Variants in ADK observed in about 807,000 individuals in gnomAD.
ADK encodes the protein adenosine kinase, also known as N6,N6-dimethyladenosine kinase.
A neutral mutation model predicts 44.7 loss-of-function variants in ADK; 24 were observed. The observed-to-expected ratio is 0.54, with a 90% CI of 0.39 to 0.76. The LOEUF is 0.76. Among genes scored for constraint, ADK ranks in the 30% least tolerant of loss-of-function variants. The pLI is 0.00. For missense variants in ADK, 321 were observed against 425.1 expected (o/e 0.76, Z 2.15); for synonymous variants, 128 against 142.6 (o/e 0.90, Z 0.73).
intron 8 of ADK, among the ~76,000 whole-genome samples, chr10:74,591,044 A>G (rs561171535): frequency 6.6e-6 from 1 of 152,270 alleles, no homozygotes; most frequent in Non-Finnish European, 1.5e-5. Context: ...TTGTTATATA[A>G]CATGATCATG....
chr10:74,637,262 A>G (rs1330263041), intron 9 of ADK, among the ~76,000 whole-genome samples: 1 of 152,232 alleles, frequency 6.6e-6, no homozygotes, highest in Non-Finnish European at 1.5e-5. Context: ...AAGCCAGTCA[A>G]CAACCAAGAA....
intron 4 of ADK, among the ~76,000 whole-genome samples, chr10:74,346,935 C>G (rs896542345): frequency 2.1e-4 from 32 of 151,612 alleles, no homozygotes; most frequent in African/African-American, 7.0e-4. Context: ...ACGGTGAAAC[C>G]CTGTCTCTAC....
intron 7 of ADK, among the ~76,000 whole-genome samples, chr10:74,547,012 G>T (rs1430615812): frequency 1.4e-4 from 22 of 151,928 alleles, no homozygotes; most frequent in Non-Finnish European, 3.2e-4. Context: ...TCCTTGTAGG[G>T]TTTTTCCCAC....
intron 7 of ADK, among the ~76,000 whole-genome samples, chr10:74,579,862 A>T (rs1208945188): frequency 1.3e-5 from 2 of 152,226 alleles, no homozygotes; most frequent in African/African-American, 4.8e-5. Flanking sequence ...TCCTGAACTC[A>T]GATAAGATTA....
chr10:74,519,735 A>G (rs1241739062), intron 6 of ADK, among the ~76,000 whole-genome samples: 1 of 151,886 alleles, frequency 6.6e-6, no homozygotes, highest in African/African-American at 2.4e-5. Context: ...CTTTCAATGG[A>G]ATACTTTTTA....
At chr10:74,505,379 T>A (rs1349946648) in intron 6 of ADK, among the ~76,000 whole-genome samples, 1 of 152,176 alleles carries the variant, frequency 6.6e-6, no homozygotes, top group African/African-American at 2.4e-5. Context: ...ATTCTACATC[T>A]TCTTTCTCAT....
intron 3 of ADK, among the ~76,000 whole-genome samples, chr10:74,259,661 G>A (rs1350957598): frequency 6.6e-6 from 1 of 151,724 alleles, no homozygotes; most frequent in Non-Finnish European, 1.5e-5. Flanking sequence ...GTTTCACCAT[G>A]TTAGCCAGGA....
At chr10:74,704,975 C>A (rs1365784371) in intron 10 of ADK, among the ~76,000 whole-genome samples, 1 of 152,188 alleles carries the variant, frequency 6.6e-6, no homozygotes, top group Admixed American at 6.5e-5. Context: ...ATTTTACAGT[C>A]TCAGCAAATG....
chr10:74,504,936 C>A (rs1848006013), intron 6 of ADK, among the ~76,000 whole-genome samples: 1 of 152,042 alleles, frequency 6.6e-6, no homozygotes, highest in African/African-American at 2.4e-5. Flanking sequence ...TTGGGCAGTT[C>A]TTTATAGGAG....
chr10:74,679,460 G>C (rs1179210824), intron 10 of ADK, among the ~76,000 whole-genome samples: 1 of 152,102 alleles, frequency 6.6e-6, no homozygotes, highest in Non-Finnish European at 1.5e-5. Flanking sequence ...AAGTTTGCCA[G>C]CTCTGTGTTT....
At chr10:74,488,604 A>G (rs1310767209) in intron 6 of ADK, among the ~76,000 whole-genome samples, 2 of 150,450 alleles carry the variant, frequency 1.3e-5, no homozygotes, top group Non-Finnish European at 3.0e-5. Context: ...TTTCCTTCAG[A>G]AAATCATATT....
chr10:74,406,526 TAAGAAGAAGAAGAAGAAG>T (rs57627124), intron 6 of ADK, among the ~76,000 whole-genome samples: 153 of 136,112 alleles, frequency 1.1e-3, no homozygotes, highest in African/African-American at 2.2e-3. Context: ...ATAATAATAA[TAAGAAGAAGAAGAAGAAG>T]AAGAAGAAGA....
chr10:74,304,142 C>T (rs1840171434), intron 3 of ADK, among the ~76,000 whole-genome samples: 1 of 151,984 alleles, frequency 6.6e-6, no homozygotes, highest in Non-Finnish European at 1.5e-5. Flanking sequence ...TTATTTTCTT[C>T]ATTACTTAGT....
intron 1 of ADK, among the ~76,000 whole-genome samples, chr10:74,153,288 A>G (rs1841663383): frequency 6.6e-6 from 1 of 152,116 alleles, no homozygotes; most frequent in Admixed American, 6.6e-5. Flanking sequence ...GTCTAGAAAG[A>G]TATTTTTGGT....
At chr10:74,275,152 G>A (rs139506757) in intron 3 of ADK, among the ~76,000 whole-genome samples, 1 of 152,098 alleles carries the variant, frequency 6.6e-6, no homozygotes, top group African/African-American at 2.4e-5. Context: ...TTTCTGGGCA[G>A]TAATGATCAT....
At chr10:74,571,348 G>C (rs1348385142) in intron 7 of ADK, among the ~76,000 whole-genome samples, 1 of 152,206 alleles carries the variant, frequency 6.6e-6, no homozygotes, top group African/African-American at 2.4e-5. Flanking sequence ...GATTGGAATA[G>C]TTTCAGAAGG....
At chr10:74,479,555 G>T (rs1357433749) in intron 6 of ADK, among the ~76,000 whole-genome samples, 1 of 151,598 alleles carries the variant, frequency 6.6e-6, no homozygotes, top group Non-Finnish European at 1.5e-5. Context: ...GATATATTTG[G>T]CCTCAAACCT....
intron 6 of ADK, among the ~76,000 whole-genome samples, chr10:74,469,786 C>T (rs1445144348): frequency 6.6e-6 from 1 of 152,176 alleles, no homozygotes; most frequent in African/African-American, 2.4e-5. Context: ...CAGTAATTCC[C>T]CTTTGCCCCC....
chr10:74,545,892 T>G (rs150570768), intron 7 of ADK, among the ~76,000 whole-genome samples: 144 of 152,310 alleles, frequency 9.5e-4, no homozygotes, highest in African/African-American at 3.3e-3. Flanking sequence ...ATAAATAGAA[T>G]TCTTATATTA....
Sources: gnomAD v4.1 joint callset for allele counts (sites outside exome capture counted in the v4.1 genomes callset) on GRCh38, gnomAD v4.1.1 for gene constraint, MANE v1.5 for transcripts, NCBI Gene and HGNC (gene_info 2026-07-23, HGNC 2026-07-21) for gene names.